The following CNGB3 variants were observed in gnomAD, a reference collection of about 807,000 sequenced individuals.
CNGB3 encodes cyclic nucleotide-gated channel beta-3.
Under a neutral mutation model 92.8 loss-of-function variants are expected in CNGB3, and 86 were observed. That is an observed-to-expected ratio of 0.93 (90% confidence interval 0.78 to 1.11). CNGB3 has a LOEUF of 1.11. Ranked by LOEUF, CNGB3 falls within the 50% of genes least tolerant of loss-of-function variation. The pLI, the probability that CNGB3 is intolerant of heterozygous loss-of-function variation, is 0.00. For synonymous variants in CNGB3, 333 were observed against 332.7 expected (o/e 1.00, Z -0.01); for missense variants, 1,026 against 956.8 (o/e 1.07, Z -0.95).
chr8:86,682,541 G>A (rs561166176), intron 3 of CNGB3, among the ~76,000 whole-genome samples: 4 of 152,148 alleles, frequency 2.6e-5, no homozygotes, highest in African/African-American at 4.8e-5. Context: ...TCATTGCCTC[G>A]ATAGCAGGAT....
intron 15 of CNGB3, among the ~76,000 whole-genome samples, chr8:86,587,603 C>A (rs912505918): frequency 1.4e-3 from 211 of 152,034 alleles, no homozygotes; most frequent in African/African-American, 5.1e-3. Flanking sequence ...GAATCCTTTC[C>A]CCATTGCTTG....
chr8:86,657,324 G>T, intron 6 of CNGB3: 1 of 398,766 alleles, frequency 2.5e-6, no homozygotes. Flanking sequence ...GTAAGGACCT[G>T]GTGGGGATGG....
At chr8:86,593,259 G>GA (rs1214708508) in intron 15 of CNGB3, among the ~76,000 whole-genome samples, 2 of 152,150 alleles carry the variant, frequency 1.3e-5, no homozygotes, top group African/African-American at 4.8e-5. Context: ...TCTAAGGAAG[G>GA]AAAGAGGAGA....
At chr8:86,678,118 G>GGA (rs1319847162) in intron 3 of CNGB3, among the ~76,000 whole-genome samples, 1 of 152,086 alleles carries the variant, frequency 6.6e-6, no homozygotes, top group Non-Finnish European at 1.5e-5. Flanking sequence ...AGGGGAGAAA[G>GGA]GAGCACGTCC....
chr8:86,617,295 C>A lies in CNGB3; in HGVS notation c.1579-5624G>T, dbSNP rs79510409. On this transcript the variant is annotated intron_variant, in intron 13 of 17. Transcript: ENST00000320005. ...CCATTTCTAGGCTCATTTCTGCTTT[C>A]TTTGAAACAGAACTTAAGATAGCAT... is the stretch of plus-strand genomic sequence containing the variant. 1.1e-3 allele frequency among the ~76,000 whole-genome samples: 164 copies of A among 152,276 alleles called. 4 individuals carry two copies. In the East Asian group the frequency reaches 0.03, roughly 27 times the overall value.
At chr8:86,593,139 G>A (rs1269040458) in intron 15 of CNGB3, among the ~76,000 whole-genome samples, 1 of 152,126 alleles carries the variant, frequency 6.6e-6, no homozygotes, top group South Asian at 2.1e-4. Flanking sequence ...AGAGAGTTTA[G>A]ATATTACAGA....
At chr8:86,606,539 T>C (rs1406205234) in intron 14 of CNGB3, among the ~76,000 whole-genome samples, 2 of 152,260 alleles carry the variant, frequency 1.3e-5, no homozygotes, top group Non-Finnish European at 2.9e-5. Context: ...ATTTACATAC[T>C]ATTAATGCTA....
intron 2 of CNGB3, among the ~76,000 whole-genome samples, chr8:86,734,045 T>C (rs926846613): frequency 1.3e-5 from 2 of 151,910 alleles, no homozygotes; most frequent in Non-Finnish European, 1.5e-5. Flanking sequence ...TTAAAAAAAT[T>C]TGGGGGGATA....
Position 86,580,286 on chromosome 8 carries a change from G to C in CNGB3, c.1782-1034C>G, listed in dbSNP as rs367665574. ...GGGATTACAATTTGAGAAAAGATTTGGGTGGGGACACAAAGCCAAACCATG... is the reference window on the plus strand; with the variant it reads ...GGGATTACAATTTGAGAAAAGATTTCGGTGGGGACACAAAGCCAAACCATG... On this transcript the variant is annotated intron_variant, in intron 15 of 17. Transcript: ENST00000320005. Among the ~76,000 whole-genome samples, 157 of 152,196 alleles carry C rather than the reference G, an allele frequency of 1.0e-3. 2 individuals carry two copies. The highest frequency in any genetic ancestry group is 3.6e-3 in the African/African-American group (149 of 41,466).
intron 3 of CNGB3, among the ~76,000 whole-genome samples, chr8:86,711,833 C>G (rs202055201): frequency 3.7e-4 from 48 of 130,386 alleles, no homozygotes; most frequent in Admixed American, 1.6e-3. Context: ...CTCTCTCTCT[C>G]TCTATATATA....
At chr8:86,622,870 A>G (rs72692235) in intron 13 of CNGB3, among the ~76,000 whole-genome samples, 6,818 of 152,240 alleles carry the variant, frequency 0.045, 213 homozygotes, top group East Asian at 0.068. Context: ...TCATCTGCCA[A>G]TTTGAAAACC....
At chr8:86,701,653 C>T (rs145435949) in intron 3 of CNGB3, among the ~76,000 whole-genome samples, 29 of 152,174 alleles carry the variant, frequency 1.9e-4, no homozygotes, top group Non-Finnish European at 2.9e-4. Context: ...AGTGAAAGCC[C>T]GAACAGTGCA....
chr8:86,579,618 G>A (rs1016146630), intron 15 of CNGB3, among the ~76,000 whole-genome samples: 4 of 152,174 alleles, frequency 2.6e-5, no homozygotes, highest in African/African-American at 9.7e-5. Flanking sequence ...TTCCCAGGAA[G>A]CTGACCTCTG....
At chr8:86,591,070 C>T (rs1171764815) in intron 15 of CNGB3, among the ~76,000 whole-genome samples, 1 of 152,094 alleles carries the variant, frequency 6.6e-6, no homozygotes, top group Non-Finnish European at 1.5e-5. Flanking sequence ...AACTTTCCTT[C>T]TTGCTTCATT....
At chr8:86,702,437 C>T (rs1470609655) in intron 3 of CNGB3, among the ~76,000 whole-genome samples, 2 of 152,112 alleles carry the variant, frequency 1.3e-5, no homozygotes, top group African/African-American at 4.8e-5. Flanking sequence ...GTTTTAATGT[C>T]ATCTTTGACC....
At chr8:86,626,115 G>T in intron 12 of CNGB3, 35 bp from the exon 13 acceptor site, 1 of 1,491,950 alleles carries the variant, frequency 6.7e-7, no homozygotes, top group Non-Finnish European at 9.3e-7. Flanking sequence ...CCCCGATGCA[G>T]AATAATTAAT....
intron 3 of CNGB3, among the ~76,000 whole-genome samples, chr8:86,713,669 T>A (rs1824792365): frequency 6.6e-6 from 1 of 152,212 alleles, no homozygotes; most frequent in South Asian, 2.1e-4. Flanking sequence ...TCTCTGATCT[T>A]ACAATATTAA....
intron 8 of CNGB3, 113 bp downstream of exon 8, chr8:86,647,688 A>G: frequency 2.9e-6 from 2 of 689,390 alleles, no homozygotes; most frequent in Non-Finnish European, 5.2e-6. Context: ...TTTGGGAAAA[A>G]TTAAGAATAT....
chr8:86,611,467 A>G (rs1822518411), intron 14 of CNGB3, 121 bp downstream of exon 14: 2 of 756,804 alleles, frequency 2.6e-6, no homozygotes, highest in Non-Finnish European at 4.8e-6. Flanking sequence ...ATATATCATA[A>G]TTATTTCTAT....
Sources: gnomAD v4.1 joint callset for allele counts (sites outside exome capture counted in the v4.1 genomes callset) on GRCh38, gnomAD v4.1.1 for gene constraint, MANE v1.5 for transcripts, NCBI Gene and HGNC (gene_info 2026-07-23, HGNC 2026-07-21) for gene names.